ZNF618: variants seen among roughly 807,000 people sequenced by gnomAD.
The protein encoded by ZNF618 is zinc finger protein 618.
A neutral mutation model predicts 103.0 loss-of-function variants in ZNF618; 34 were observed. That is an observed-to-expected ratio of 0.33 (90% CI 0.25 to 0.44). The LOEUF is 0.44. ZNF618 is among the 20% of genes least tolerant of loss of function. The pLI is 1.00. For synonymous variants in ZNF618, 551 were observed against 542.2 expected, an observed-to-expected ratio of 1.02 and a Z score of -0.23; for missense variants, 1,059 against 1,295.4, an observed-to-expected ratio of 0.82 and a Z score of 2.80.
Position 113,945,336 on chromosome 9 carries a change from G to A in ZNF618, c.34-23781G>A, listed in dbSNP as rs529624346. Among the ~76,000 whole-genome samples the A allele has an allele frequency of 1.4e-4, 22 of 152,300 alleles. No individual in the cohort carries two copies. In the South Asian group the frequency reaches 4.3e-3, roughly 30 times the overall value. ...CTCCAGACTAGATTGTTGCCCCGTG[G>A]GATGCTGTCATGGGGGAAAGAGAGG... On this transcript the variant is annotated intron_variant, in intron 1 of 14. Transcript: ENST00000374126.
chr9:114,011,249 A>G (rs1244408043), intron 9 of ZNF618, among the ~76,000 whole-genome samples: 2 of 152,248 alleles, frequency 1.3e-5, no homozygotes, highest in Admixed American at 6.5e-5. Flanking sequence ...AGATGAGATT[A>G]TATTTGTAAA....
At chr9:113,982,709 G>A (rs920545078) in intron 2 of ZNF618, among the ~76,000 whole-genome samples, 1 of 152,152 alleles carries the variant, frequency 6.6e-6, no homozygotes, top group Non-Finnish European at 1.5e-5. Context: ...TATTGAAGAT[G>A]GGGAGTCTTA....
At position 113,978,864 on chromosome 9, in the gene ZNF618, G is replaced by A. The variant is rs934293425; in HGVS notation, c.78-9457G>A. ...TGCACAGAAGGATGAGATGGTGTAG[G>A]TGTGGGCCCGGAGCACCGCCCCAGC... is the stretch of plus-strand genomic sequence containing the variant. On this transcript the variant is annotated intron_variant, in intron 2 of 14. Transcript: ENST00000374126. Among the ~76,000 whole-genome samples, 3 of 151,998 alleles carry A rather than the reference G, an allele frequency of 2.0e-5. No individual in the cohort carries two copies. The South Asian group carries it at 6.2e-4, about 32-fold the overall frequency.
chr9:113,960,580 C>T (rs1836751442), intron 1 of ZNF618, among the ~76,000 whole-genome samples: 1 of 152,180 alleles, frequency 6.6e-6, no homozygotes, highest in African/African-American at 2.4e-5. Context: ...CACTGGACCT[C>T]AGAGAGCCAG....
intron 1 of ZNF618, among the ~76,000 whole-genome samples, chr9:113,879,106 T>G (rs1280240368): frequency 1.3e-5 from 2 of 151,818 alleles, no homozygotes; most frequent in Non-Finnish European, 2.9e-5. Context: ...CCAAGGGGCT[T>G]TGGAGGCCTC....
At chr9:113,895,105 ATCCT>A (rs1829927054) in intron 1 of ZNF618, among the ~76,000 whole-genome samples, 1 of 152,136 alleles carries the variant, frequency 6.6e-6, no homozygotes, top group East Asian at 1.9e-4. Flanking sequence ...ATCACTAAGC[ATCCT>A]TCTGAGTTGC....
intron 12 of ZNF618, chr9:114,035,365 G>A (rs568341611): frequency 1.9e-5 from 11 of 573,388 alleles, no homozygotes; most frequent in South Asian, 1.5e-4. Context: ...GGGCAGACCC[G>A]GCAGCTGGTG....
At chr9:114,033,505 G>T (rs1844291317) in intron 12 of ZNF618, among the ~76,000 whole-genome samples, 1 of 152,046 alleles carries the variant, frequency 6.6e-6, no homozygotes, top group South Asian at 2.1e-4. Context: ...GCCCCTACCT[G>T]CTCAAGTGGG....
chr9:113,927,607 A>C (rs1482679438), intron 1 of ZNF618, among the ~76,000 whole-genome samples: 2 of 152,196 alleles, frequency 1.3e-5, no homozygotes, highest in Non-Finnish European at 2.9e-5. Flanking sequence ...GGAAGGCTAG[A>C]GGAGTCTGGA....
chr9:113,983,528 T>C (rs1839163914), intron 2 of ZNF618, among the ~76,000 whole-genome samples: 1 of 152,234 alleles, frequency 6.6e-6, no homozygotes, highest in Non-Finnish European at 1.5e-5. Context: ...CCCCATCTTC[T>C]GTGAACTCAG....
At chr9:113,904,633 T>C (rs1280440350) in intron 1 of ZNF618, among the ~76,000 whole-genome samples, 6 of 152,234 alleles carry the variant, frequency 3.9e-5, no homozygotes. Flanking sequence ...ATTTATTGTC[T>C]TGTAATTCTG....
At position 114,050,785 on chromosome 9, in the gene ZNF618, G is replaced by A. The variant is rs777931211; in HGVS notation, c.*618G>A. The A allele has an allele frequency of 6.5e-6, 1 of 153,006 alleles. No homozygotes were observed. Among genetic ancestry groups the A allele is most frequent in the African/African-American group, 2.4e-5 (1 of 41,422 alleles). 9.5% of individuals were successfully genotyped at this position (153,006 alleles called of 1,614,324 possible). ...TGTGCACCCCCCCACACACTCGGCT[G>A]CTCTGCTGTGGACTCTCCACACTGC... On this transcript the variant is annotated 3_prime_UTR_variant, in exon 15 of 15. Transcript: ENST00000374126.
intron 1 of ZNF618, among the ~76,000 whole-genome samples, chr9:113,941,500 C>T (rs1311553586): frequency 6.6e-6 from 1 of 152,104 alleles, no homozygotes; most frequent in African/African-American, 2.4e-5. Context: ...CCCAGGTGAC[C>T]TGAATGTCTC....
chr9:113,888,058 G>A (rs1208533066), intron 1 of ZNF618, among the ~76,000 whole-genome samples: 1 of 151,722 alleles, frequency 6.6e-6, no homozygotes, highest in Admixed American at 6.6e-5. Context: ...TTTTAAATAT[G>A]AGAGAGTGGA....
In ZNF618 at chr9:114,010,445, G is replaced by T. The variant is rs184395961; in HGVS notation, c.754+1891G>T. Among the ~76,000 whole-genome samples, 6 of 151,940 alleles carry T rather than the reference G, an allele frequency of 3.9e-5. No homozygotes were observed. The East Asian group carries it at 1.2e-3, about 30-fold the overall frequency. ...ATTCAGGCTGGGCGTGGTGGCTCTCGCCTGTAATCCTAGCACTTTGGGAGG... is the reference window on the plus strand; with the variant it reads ...ATTCAGGCTGGGCGTGGTGGCTCTCTCCTGTAATCCTAGCACTTTGGGAGG... On this transcript the variant is annotated intron_variant, in intron 9 of 14. Coordinates refer to ENST00000374126, the MANE Select transcript of ZNF618 (RefSeq NM_001318042.2).
At chr9:113,971,341 G>A (rs975182050) in intron 2 of ZNF618, among the ~76,000 whole-genome samples, 2 of 152,080 alleles carry the variant, frequency 1.3e-5, no homozygotes, top group Non-Finnish European at 2.9e-5. Flanking sequence ...GTTGGGCCTT[G>A]AACCTGCCAA....
At position 114,050,066 on chromosome 9, in the gene ZNF618, T is replaced by C; in HGVS notation, c.2764T>C (p.Cys922Arg). Residue 922 changes from cysteine (C) to arginine (R), a missense_variant, in exon 15 of 15, where the codon TGT (cysteine) becomes CGT (arginine). Transcript: ENST00000374126. ...AVPAVGARSG[C>R]VNMCEQALLI... ...TCCGGCCGTGGGCGCCAGAAGCGGG[T>C]GTGTAAATATGTGTGAACAAGCGCT... The C allele has an allele frequency of 1.2e-6, 2 of 1,612,800 alleles. No individual in the cohort carries two copies. The highest frequency in any genetic ancestry group is 1.7e-6 in the Non-Finnish European group (2 of 1,179,778).
At chr9:114,004,039 C>CA (rs1378259189) in intron 6 of ZNF618, among the ~76,000 whole-genome samples, 1 of 151,998 alleles carries the variant, frequency 6.6e-6, no homozygotes, top group Non-Finnish European at 1.5e-5. Flanking sequence ...CACACCATCA[C>CA]AAAAAAAGAT....
intron 1 of ZNF618, among the ~76,000 whole-genome samples, chr9:113,886,871 A>C (rs1393794198): frequency 6.6e-6 from 1 of 152,062 alleles, no homozygotes; most frequent in Non-Finnish European, 1.5e-5. Context: ...CTATAAAAGT[A>C]ATAATTTGAA....
Sources: allele counts gnomAD v4.1 joint callset (sites outside exome capture counted in the v4.1 genomes callset), GRCh38; gene constraint gnomAD v4.1.1; transcripts MANE v1.5; gene names NCBI Gene and HGNC (gene_info 2026-07-23, HGNC 2026-07-21).